Variants in ADRA1A observed in about 807,000 individuals in gnomAD.
ADRA1A encodes alpha-1A adrenergic receptor.
A neutral mutation model predicts 29.6 loss-of-function variants in ADRA1A; 31 were observed. The observed-to-expected ratio is 1.05, with a 90% CI of 0.79 to 1.41. ADRA1A has a LOEUF of 1.41. ADRA1A is among the 40% of genes most tolerant of loss of function. The pLI, the probability that ADRA1A is intolerant of heterozygous loss-of-function variation, is 0.00. For missense variants in ADRA1A, 619 were observed against 601.1 expected (o/e 1.03, Z -0.31); for synonymous variants, 311 against 254.3 (o/e 1.22, Z -2.12).
At chr8:26,832,608 C>A (rs1462033727) in intron 2 of ADRA1A, among the ~76,000 whole-genome samples, 2 of 151,892 alleles carry the variant, frequency 1.3e-5, no homozygotes, top group Non-Finnish European at 2.9e-5. Context: ...TCGCTCCCAA[C>A]AAACAAAAAA....
intron 2 of ADRA1A, among the ~76,000 whole-genome samples, chr8:26,843,560 C>T (rs1811984458): frequency 1.3e-5 from 2 of 152,058 alleles, no homozygotes; most frequent in African/African-American, 4.8e-5. Context: ...CAACATGGCT[C>T]TATGAGGCAG....
chr8:26,755,194 C>CTTTTTTTT (rs34376542), downstream of ADRA1A, among the ~76,000 whole-genome samples: 2 of 145,572 alleles, frequency 1.4e-5, no homozygotes. Flanking sequence ...AATAGACCTC[C>CTTTTTTTT]TTTTTTTTTT....
chr8:26,832,157 T>C (rs1180531581), intron 2 of ADRA1A, among the ~76,000 whole-genome samples: 1 of 152,184 alleles, frequency 6.6e-6, no homozygotes, highest in African/African-American at 2.4e-5. Context: ...TTGGAGTGGA[T>C]TAGCCCTTTG....
intron 2 of ADRA1A, among the ~76,000 whole-genome samples, chr8:26,856,613 C>A (rs1391643195): frequency 6.6e-6 from 1 of 152,140 alleles, no homozygotes; most frequent in African/African-American, 2.4e-5. Context: ...CCTCCCTCCC[C>A]ATTTTTGCCT....
intron 2 of ADRA1A, among the ~76,000 whole-genome samples, chr8:26,840,592 T>A (rs2130697773): frequency 6.6e-6 from 1 of 151,958 alleles, no homozygotes; most frequent in South Asian, 2.1e-4. Context: ...TAGCGTTCTT[T>A]TTTTTTTTTT....
intron 2 of ADRA1A, among the ~76,000 whole-genome samples, chr8:26,810,562 C>T (rs576922664): frequency 7.2e-5 from 11 of 152,218 alleles, no homozygotes; most frequent in South Asian, 6.2e-4. Flanking sequence ...GTAACAATAT[C>T]CCACTGCTAT....
intron 2 of ADRA1A, among the ~76,000 whole-genome samples, chr8:26,818,578 T>A (rs1809928698): frequency 6.6e-6 from 1 of 152,092 alleles, no homozygotes; most frequent in Non-Finnish European, 1.5e-5. Context: ...ATTTTCCTAG[T>A]TCGTTTTATA....
chr8:26,855,512 T>C (rs1468615600), intron 2 of ADRA1A, among the ~76,000 whole-genome samples: 1 of 149,300 alleles, frequency 6.7e-6, no homozygotes, highest in Non-Finnish European at 1.5e-5. Flanking sequence ...GATAAAAATA[T>C]AAAAAGAAAT....
At chr8:26,781,393 T>G (rs11135955) in intron 2 of ADRA1A, among the ~76,000 whole-genome samples, 25,575 of 152,232 alleles carry the variant, frequency 0.17, 2,511 homozygotes, top group East Asian at 0.47. Flanking sequence ...CTCTAAGTGA[T>G]CAACATGATT....
Position 26,864,174 on chromosome 8 carries a change from G to T in ADRA1A, c.796C>A (p.Arg266=). ...AGCGTTTTGGCCGCTTTCTTCTCCCGGGAGAACTTGAGGAGCCTCACTGAG... is the reference window on the plus strand; with the variant it reads ...AGCGTTTTGGCCGCTTTCTTCTCCCTGGAGAACTTGAGGAGCCTCACTGAG... The part of the protein sequence containing the change: ...HFSVRLLKFS[R]EKKAAKTLGI... Residue 266 remains arginine (R), a synonymous_variant, in exon 2 of 3, where the codon CGG becomes AGG. Coordinates refer to ENST00000380573, the MANE Select transcript of ADRA1A (RefSeq NM_000680.4). This position sits in a 1 kb window ranked among gnomAD's most constrained non-coding sequence, Gnocchi z 8.1. The T allele has an allele frequency of 6.2e-7, 1 of 1,614,150 alleles. No individual in the cohort carries two copies.
intron 2 of ADRA1A, chr8:26,779,149 T>A (rs899119381): frequency 1.5e-5 from 9 of 593,574 alleles, no homozygotes; most frequent in African/African-American, 1.3e-4. Context: ...GATGATATGC[T>A]TTCCAATGGT....
chr8:26,754,722 G>T (rs1313806294), downstream of ADRA1A, among the ~76,000 whole-genome samples: 1 of 152,152 alleles, frequency 6.6e-6, no homozygotes, highest in Non-Finnish European at 1.5e-5. Context: ...CAGGCAAAAT[G>T]AACCTCCAGA....
At chr8:26,778,018 A>G (rs1316288455) in intron 2 of ADRA1A, among the ~76,000 whole-genome samples, 1 of 152,252 alleles carries the variant, frequency 6.6e-6, no homozygotes, top group African/African-American at 2.4e-5. Context: ...AGTGGCAGCT[A>G]AAGTTCTCTT....
chr8:26,822,606 A>G (rs1810252768), intron 2 of ADRA1A, among the ~76,000 whole-genome samples: 2 of 152,246 alleles, frequency 1.3e-5, no homozygotes, highest in South Asian at 4.1e-4. Context: ...ACATTGTAGT[A>G]TACAACCTAA....
chr8:26,836,778 A>G (rs145036032), intron 2 of ADRA1A, among the ~76,000 whole-genome samples: 124 of 152,330 alleles, frequency 8.1e-4, no homozygotes, highest in African/African-American at 3.0e-3. Flanking sequence ...ATTTTAAACA[A>G]AATCTCTGCT....
At position 26,866,963 on chromosome 8, in the gene ADRA1A, T is replaced by G; in HGVS notation, c.-714A>C. 1.0e-6 allele frequency: 1 copy of G among 985,148 alleles called. No homozygotes were observed. The highest frequency in any genetic ancestry group is 1.2e-6 in the Non-Finnish European group (1 of 829,816). 61.0% of individuals were successfully genotyped at this position (985,148 alleles called of 1,614,324 possible). A position where few individuals can be genotyped will look rare whatever the true frequency, so the allele number is the denominator to read the frequency against. On this transcript the variant is annotated 5_prime_UTR_variant, in exon 1 of 3. Coordinates refer to ENST00000380573, the MANE Select transcript of ADRA1A (RefSeq NM_000680.4). The surrounding 1 kb of genome is among the most constrained non-coding windows in gnomAD (Gnocchi z 5.7). ...GAAGCGCCGCTGCTGAGCCACCAGC[T>G]CGCGCGCGGGGGATGTGGACCCGGC...
chr8:26,852,601 C>T (rs564581808), intron 2 of ADRA1A, among the ~76,000 whole-genome samples: 2 of 151,952 alleles, frequency 1.3e-5, no homozygotes, highest in Admixed American at 6.6e-5. Context: ...ATGGAAAATA[C>T]GAAAATAAAG....
intron 2 of ADRA1A, among the ~76,000 whole-genome samples, chr8:26,786,749 G>GCC (rs1414035698): frequency 2.0e-5 from 3 of 151,836 alleles, no homozygotes; most frequent in African/African-American, 7.3e-5. Context: ...TGGGTTGGGG[G>GCC]GGGGGGTCTC....
downstream of ADRA1A, among the ~76,000 whole-genome samples, chr8:26,767,588 C>G (rs1805861069): frequency 6.6e-6 from 1 of 152,078 alleles, no homozygotes. Context: ...ATACAATTGT[C>G]ATGGTTTTAA....
Sources: allele counts gnomAD v4.1 joint callset (sites outside exome capture counted in the v4.1 genomes callset), GRCh38; gene constraint gnomAD v4.1.1; non-coding constraint Gnocchi (gnomAD v3.1); transcripts MANE v1.5; gene names NCBI Gene and HGNC (gene_info 2026-07-23, HGNC 2026-07-21).